The following RABGAP1 variants were observed in gnomAD, a reference collection of about 807,000 sequenced individuals.
The protein encoded by RABGAP1 is RAB GTPase activating protein 1, also known as rab GTPase-activating protein 1.
A neutral mutation model predicts 137.6 loss-of-function variants in RABGAP1; 23 were observed. The ratio of observed to expected loss-of-function variants is 0.17; its 90% CI spans 0.12 to 0.24. The LOEUF is 0.24. RABGAP1 is among the 10% of genes least tolerant of loss of function. The pLI, the probability that RABGAP1 is intolerant of heterozygous loss-of-function variation, is 1.00. For synonymous variants in RABGAP1, 451 were observed against 450.7 expected (o/e 1.00, Z -0.01); for missense variants, 906 against 1,275.8 (o/e 0.71, Z 4.42).
chr9:122,970,823 CAGCCTA>C (rs1002802878), intron 2 of RABGAP1, among the ~76,000 whole-genome samples: 1 of 152,204 alleles, frequency 6.6e-6, no homozygotes, highest in Non-Finnish European at 1.5e-5. Flanking sequence ...ATAACCTACA[CAGCCTA>C]AGAAGTTTCC....
At chr9:122,944,921 ATAGTTTGT>A (rs1406343117) in intron 1 of RABGAP1, among the ~76,000 whole-genome samples, 3 of 151,984 alleles carry the variant, frequency 2.0e-5, no homozygotes, top group Non-Finnish European at 4.4e-5. Context: ...GATCGTTCCT[ATAGTTTGT>A]TAAATAATGT....
At chr9:123,102,992 C>A in intron 25 of RABGAP1, 99 bp from the exon 26 acceptor site, 1 of 1,444,032 alleles carries the variant, frequency 6.9e-7, no homozygotes, top group East Asian at 2.6e-5. Flanking sequence ...GAGGCCTCTC[C>A]AGAGTAAATA....
intron 11 of RABGAP1, 133 bp downstream of exon 11, chr9:123,010,661 A>G (rs2030729467): frequency 2.4e-6 from 2 of 828,962 alleles, no homozygotes; most frequent in East Asian, 2.8e-5. Context: ...AGAGTTTACT[A>G]TATGTAAGTA....
chr9:122,989,240 C>A (rs922323242), intron 4 of RABGAP1, 57 bp from the exon 5 acceptor site: 4 of 1,448,302 alleles, frequency 2.8e-6, no homozygotes, highest in Admixed American at 1.7e-5. Context: ...TTAATCTAAA[C>A]GTAGTGCAGA....
At chr9:123,092,560 CT>C (rs11396314) in intron 21 of RABGAP1, among the ~76,000 whole-genome samples, 2 of 150,782 alleles carry the variant, frequency 1.3e-5, no homozygotes, top group African/African-American at 2.4e-5. Flanking sequence ...AATGCCCAGG[CT>C]TTTTTTTTAC....
intron 19 of RABGAP1, among the ~76,000 whole-genome samples, chr9:123,084,819 T>G (rs923519139): frequency 1.3e-5 from 2 of 152,320 alleles, no homozygotes; most frequent in Admixed American, 6.5e-5. Flanking sequence ...ATAAGGACTG[T>G]TAACGATTTT....
At chr9:123,082,057 G>A (rs948426081) in intron 19 of RABGAP1, among the ~76,000 whole-genome samples, 1 of 151,478 alleles carries the variant, frequency 6.6e-6, no homozygotes, top group Non-Finnish European at 1.5e-5. Context: ...TCTTCTTCTC[G>A]GTGCCCTTGG....
chr9:122,972,773 C>T (rs1223226318), intron 2 of RABGAP1, among the ~76,000 whole-genome samples: 4 of 151,968 alleles, frequency 2.6e-5, no homozygotes, highest in Non-Finnish European at 5.9e-5. Context: ...AGGAAGGCTT[C>T]TTGGAGTTGG....
At chr9:122,937,132 C>G (rs548787429), upstream of RABGAP1, among the ~76,000 whole-genome samples, 1 of 152,262 alleles carries the variant, frequency 6.6e-6, no homozygotes, top group East Asian at 1.9e-4. Flanking sequence ...GACCCCATCT[C>G]TAGTTGAAAA....
At chr9:122,948,981 G>A (rs1588153242) in intron 1 of RABGAP1, among the ~76,000 whole-genome samples, 1 of 152,170 alleles carries the variant, frequency 6.6e-6, no homozygotes, top group African/African-American at 2.4e-5. Context: ...AAGTAGTTTG[G>A]GGGACTCTTT....
intron 1 of RABGAP1, among the ~76,000 whole-genome samples, chr9:122,945,822 C>T (rs958417333): frequency 6.6e-6 from 1 of 152,170 alleles, no homozygotes. Flanking sequence ...CAAACTTTAA[C>T]AACAATTTGA....
At chr9:123,020,841 C>T in intron 13 of RABGAP1, 1 of 763,428 alleles carries the variant, frequency 1.3e-6, no homozygotes, top group Non-Finnish European at 1.6e-6. Flanking sequence ...CTTAATTCTT[C>T]TGCAACTGTA....
intron 13 of RABGAP1, among the ~76,000 whole-genome samples, chr9:123,037,801 C>G (rs1588312615): frequency 6.6e-6 from 1 of 151,960 alleles, no homozygotes; most frequent in Non-Finnish European, 1.5e-5. Flanking sequence ...GGGGTGTTTT[C>G]TGTGTGATAT....
At chr9:123,034,412 G>A in intron 13 of RABGAP1, 1 of 623,128 alleles carries the variant, frequency 1.6e-6, no homozygotes, top group Non-Finnish European at 2.8e-6. Flanking sequence ...TGCAGGCAAT[G>A]CACCAGAGCA....
chr9:123,002,297 G>A (rs1171337446), intron 10 of RABGAP1, among the ~76,000 whole-genome samples: 12 of 144,512 alleles, frequency 8.3e-5, no homozygotes, highest in Admixed American at 4.8e-4. Context: ...GCAAAACTCC[G>A]TCAAAAAAAA....
the RABGAP1 span, among the ~76,000 whole-genome samples, chr9:122,932,683 C>T: frequency 3.3e-5 from 5 of 152,118 alleles, no homozygotes; most frequent in African/African-American, 1.2e-4. Flanking sequence ...GCATGCGCCA[C>T]CACACCGGGC....
rs803718 is a variant in RABGAP1, at chr9:123,103,993, G to A, written c.*780G>A. On this transcript the variant is annotated 3_prime_UTR_variant, in exon 26 of 26. Coordinates refer to ENST00000373647, the MANE Select transcript of RABGAP1 (RefSeq NM_012197.4). ...TGTGTGTGTGTGTGTGTGTGTGTGT[G>A]TGTATGTATATATATATATAAATAT... 0.34 allele frequency: 34,780 copies of A among 103,650 alleles called. 5,205 individuals carry two copies. The highest frequency in any genetic ancestry group is 0.48 in the Non-Finnish European group (23,410 of 48,490). 6.4% of individuals were successfully genotyped at this position (103,650 alleles called of 1,614,324 possible). A position where few individuals can be genotyped will look rare whatever the true frequency, so the allele number is the denominator to read the frequency against.
chr9:122,954,991 G>C (rs1834432998), intron 1 of RABGAP1, among the ~76,000 whole-genome samples: 1 of 152,160 alleles, frequency 6.6e-6, no homozygotes, highest in Admixed American at 6.6e-5. Context: ...AATGTAAAAT[G>C]CTGTAGGAAC....
chr9:123,103,147 G>A lies in RABGAP1; in HGVS notation c.3144G>A (p.Thr1048=), dbSNP rs369889081. The change falls in exon 26 of 26, where the codon ACG becomes ACA. Residue 1048 remains threonine, a synonymous_variant. Coordinates refer to ENST00000373647, the MANE Select transcript of RABGAP1 (RefSeq NM_012197.4). ...ATGAGGTGCAGGCAGCCAAGAAGAC[G>A]TGGTTTAACCGAACACTGAGCTCCA... ...ALNEVQAAKK[T]WFNRTLSSIK... is the part of the protein sequence containing the mutation. 117 of 1,614,004 alleles carry A rather than the reference G, an allele frequency of 7.2e-5. No homozygotes were observed. The highest frequency in any genetic ancestry group is 7.7e-5 in the Non-Finnish European group (91 of 1,179,998).
Sources: gnomAD v4.1 joint callset for allele counts (sites outside exome capture counted in the v4.1 genomes callset) on GRCh38, gnomAD v4.1.1 for gene constraint, MANE v1.5 for transcripts, NCBI Gene and HGNC (gene_info 2026-07-23, HGNC 2026-07-21) for gene names.